Variants in GRK5 observed in about 807,000 individuals in gnomAD.
GRK5 encodes the protein g protein-coupled receptor kinase GRK5.
Under a neutral mutation model 78.4 loss-of-function variants are expected in GRK5, and 40 were observed. The ratio of observed to expected loss-of-function variants is 0.51; its 90% confidence interval spans 0.40 to 0.66. The LOEUF is 0.66. Among genes scored for constraint, GRK5 ranks in the 30% least tolerant of loss-of-function variants. The probability of loss-of-function intolerance (pLI) is 0.00; values close to 1 mark genes in which losing one functional copy is unlikely to be tolerated. For missense variants in GRK5, 598 were observed against 759.9 expected (o/e 0.79, Z 2.50); for synonymous variants, 289 against 296.8 (o/e 0.97, Z 0.27).
At chr10:119,241,163 G>C (rs1344562730) in intron 1 of GRK5, among the ~76,000 whole-genome samples, 1 of 152,118 alleles carries the variant, frequency 6.6e-6, no homozygotes, top group Non-Finnish European at 1.5e-5. Context: ...TCCTCCTCCG[G>C]CCTCAGCTTC....
intron 13 of GRK5, among the ~76,000 whole-genome samples, chr10:119,448,879 A>G (rs763463767): frequency 6.6e-5 from 10 of 152,192 alleles, no homozygotes; most frequent in Non-Finnish European, 1.0e-4. Context: ...ATGAGCTCTC[A>G]GCTGGATCAG....
chr10:119,250,563 G>A (rs1301181665), intron 1 of GRK5, among the ~76,000 whole-genome samples: 1 of 140,862 alleles, frequency 7.1e-6, no homozygotes, highest in African/African-American at 2.6e-5. Context: ...TTGTTGCCCA[G>A]GTCTTGAACT....
chr10:119,318,311 C>G (rs1850525879), intron 1 of GRK5, among the ~76,000 whole-genome samples: 1 of 152,184 alleles, frequency 6.6e-6, no homozygotes, highest in Admixed American at 6.5e-5. Flanking sequence ...AATACTAGGA[C>G]CTACGTCACG....
At chr10:119,405,568 C>G (rs974626704) in intron 4 of GRK5, among the ~76,000 whole-genome samples, 1 of 152,012 alleles carries the variant, frequency 6.6e-6, no homozygotes, top group African/African-American at 2.4e-5. Flanking sequence ...TCCCCACCCC[C>G]ACCCAGGCAC....
intron 1 of GRK5, chr10:119,212,935 C>G (rs948846457): frequency 2.0e-5 from 3 of 152,210 alleles, no homozygotes; most frequent in Admixed American, 1.3e-4. Context: ...GAGTACTGGT[C>G]TGGAGCGAAC....
intron 2 of GRK5, among the ~76,000 whole-genome samples, chr10:119,349,201 G>A (rs927367509): frequency 1.3e-5 from 2 of 152,210 alleles, no homozygotes; most frequent in African/African-American, 2.4e-5. Flanking sequence ...GCATGGGAGG[G>A]AGGCAGGGAG....
chr10:119,409,952 T>C (rs990625033), intron 4 of GRK5, among the ~76,000 whole-genome samples: 3 of 152,180 alleles, frequency 2.0e-5, no homozygotes, highest in Non-Finnish European at 4.4e-5. Flanking sequence ...TGTGGTTGCA[T>C]TGGCCTGAGC....
chr10:119,248,408 C>G (rs992112293), intron 1 of GRK5, among the ~76,000 whole-genome samples: 1 of 152,214 alleles, frequency 6.6e-6, no homozygotes. Context: ...TTCCTTCACA[C>G]TGGCCCATGT....
intron 1 of GRK5, among the ~76,000 whole-genome samples, chr10:119,228,458 A>G (rs977308783): frequency 3.1e-4 from 47 of 151,870 alleles, no homozygotes; most frequent in Non-Finnish European, 5.4e-4. Context: ...AAAAAAAAAA[A>G]AAAAATTAAA....
intron 1 of GRK5, among the ~76,000 whole-genome samples, chr10:119,269,953 G>C (rs1206956638): frequency 6.6e-6 from 1 of 152,040 alleles, no homozygotes; most frequent in African/African-American, 2.4e-5. Flanking sequence ...GAGGGAGGGG[G>C]CCTTGTGCCA....
intron 1 of GRK5, among the ~76,000 whole-genome samples, chr10:119,266,773 GTT>G (rs1254703830): frequency 5.9e-5 from 8 of 134,698 alleles, no homozygotes; most frequent in Admixed American, 7.4e-5. Context: ...GGGGGGAAGA[GTT>G]TTTTTTTTTT....
At chr10:119,314,771 C>T (rs1359598808) in intron 1 of GRK5, among the ~76,000 whole-genome samples, 1 of 152,222 alleles carries the variant, frequency 6.6e-6, no homozygotes, top group East Asian at 1.9e-4. Flanking sequence ...GCCACTAGAC[C>T]TTGACCTCGC....
At chr10:119,321,378 C>T (rs1556712) in intron 1 of GRK5, among the ~76,000 whole-genome samples, 104,955 of 152,142 alleles carry the variant, frequency 0.69, 37,908 homozygotes, top group Non-Finnish European at 0.79. Context: ...GGAAGTCTGA[C>T]GCACTCTCAG....
At chr10:119,426,199 C>T (rs984808362) in intron 6 of GRK5, among the ~76,000 whole-genome samples, 10 of 152,244 alleles carry the variant, frequency 6.6e-5, no homozygotes, top group Admixed American at 5.9e-4. Flanking sequence ...CCCTTCTGAA[C>T]CCCACTCACA....
At chr10:119,403,780 C>T (rs1311626733) in intron 4 of GRK5, among the ~76,000 whole-genome samples, 1 of 152,048 alleles carries the variant, frequency 6.6e-6, no homozygotes, top group Admixed American at 6.6e-5. Context: ...ATTACAGATG[C>T]CCATCACCAT....
chr10:119,209,377 T>G (rs1278981210), intron 1 of GRK5, among the ~76,000 whole-genome samples: 1 of 152,116 alleles, frequency 6.6e-6, no homozygotes, highest in African/African-American at 2.4e-5. Context: ...TTTAAAATAT[T>G]CAGGTTAGTC....
chr10:119,399,331 A>G (rs2133857227), intron 4 of GRK5, among the ~76,000 whole-genome samples: 1 of 152,306 alleles, frequency 6.6e-6, no homozygotes, highest in South Asian at 2.1e-4. Flanking sequence ...CTGGAGCCTC[A>G]TTTACCTCTC....
intron 4 of GRK5, 59 bp downstream of exon 4, chr10:119,396,831 A>T (rs1016451505): frequency 7.6e-7 from 1 of 1,317,204 alleles, no homozygotes; most frequent in Non-Finnish European, 1.1e-6. Context: ...CAAAAATAGG[A>T]GCCCCTAAGT....
chr10:119,355,443 C>CT (rs1462952601), intron 2 of GRK5, among the ~76,000 whole-genome samples: 1 of 152,090 alleles, frequency 6.6e-6, no homozygotes, highest in Non-Finnish European at 1.5e-5. Flanking sequence ...TGTGGTAGTT[C>CT]TGTTTTCCAA....
Sources: allele counts gnomAD v4.1 joint callset (sites outside exome capture counted in the v4.1 genomes callset), GRCh38; gene constraint gnomAD v4.1.1; transcripts MANE v1.5; gene names NCBI Gene and HGNC (gene_info 2026-07-23, HGNC 2026-07-21).